The following FGGY variants were observed in gnomAD, a reference collection of about 807,000 sequenced individuals.
The protein encoded by FGGY is FGGY carbohydrate kinase domain-containing protein.
FGGY carries 72 observed loss-of-function variants against 71.3 expected under a neutral mutation model. The observed-to-expected ratio is 1.01, with a 90% confidence interval of 0.84 to 1.23. The LOEUF is 1.23. Ranked by LOEUF, FGGY falls within the 50% of genes most tolerant of loss-of-function variation. The pLI is 0.00. For missense variants in FGGY, 668 were observed against 682.3 expected (o/e 0.98, Z 0.23); for synonymous variants, 251 against 250.3 (o/e 1.00, Z -0.02).
At chr1:59,746,465 C>T (rs2098198666) in intron 14 of FGGY, among the ~76,000 whole-genome samples, 1 of 152,022 alleles carries the variant, frequency 6.6e-6, no homozygotes, top group African/African-American at 2.4e-5. Context: ...TTAGTCCATC[C>T]AATAGGCCTA....
At chr1:59,426,928 T>G (rs1420092417) in intron 5 of FGGY, among the ~76,000 whole-genome samples, 1 of 151,956 alleles carries the variant, frequency 6.6e-6, no homozygotes, top group Non-Finnish European at 1.5e-5. Flanking sequence ...CAGCTTTGAT[T>G]ATTATGATCA....
chr1:59,588,503 A>G (rs1050498835), intron 8 of FGGY, among the ~76,000 whole-genome samples: 4 of 151,952 alleles, frequency 2.6e-5, no homozygotes, highest in African/African-American at 7.2e-5. Context: ...CAGATTCACC[A>G]AAGTCGAAGG....
At chr1:59,433,493 C>G (rs1260913438) in intron 5 of FGGY, among the ~76,000 whole-genome samples, 1 of 152,098 alleles carries the variant, frequency 6.6e-6, no homozygotes, top group Non-Finnish European at 1.5e-5. Context: ...TCTCAGTGTG[C>G]CAGGCCTTCA....
At chr1:59,485,380 A>G (rs572819157) in intron 6 of FGGY, among the ~76,000 whole-genome samples, 1 of 152,162 alleles carries the variant, frequency 6.6e-6, no homozygotes, top group South Asian at 2.1e-4. Flanking sequence ...CTTTAAGGAG[A>G]TCAGGCAGTG....
At chr1:59,630,985 A>C (rs2096903400) in intron 10 of FGGY, among the ~76,000 whole-genome samples, 1 of 152,126 alleles carries the variant, frequency 6.6e-6, no homozygotes, top group Admixed American at 6.5e-5. Context: ...GAATTCTGTC[A>C]CCATCAGCCC....
chr1:59,753,512 A>ATATATATG (rs2098264853), intron 14 of FGGY, among the ~76,000 whole-genome samples: 1 of 117,068 alleles, frequency 8.5e-6, no homozygotes, highest in Admixed American at 8.8e-5. Context: ...ATATATATAT[A>ATATATATG]TGGCATTACA....
At chr1:59,476,714 C>G (rs544514204) in intron 6 of FGGY, among the ~76,000 whole-genome samples, 2 of 152,328 alleles carry the variant, frequency 1.3e-5, no homozygotes, top group South Asian at 4.1e-4. Context: ...TGCCCAATGT[C>G]AAAATATTAG....
In FGGY at chr1:59,739,526, G is replaced by T. The variant is rs1238393364; in HGVS notation, c.1513-18405G>T. Among the ~76,000 whole-genome samples the T allele has an allele frequency of 2.0e-5, 3 of 152,178 alleles. No homozygotes were observed. The East Asian group carries it at 5.8e-4, about 29-fold the overall frequency. On this transcript the variant is annotated intron_variant, in intron 14 of 15. Coordinates refer to ENST00000303721, the MANE Select transcript of FGGY (RefSeq NM_018291.5). ...CAACCAAACCATTCATTGCTTGCAGGTGGGAAGGTAAGGTGGAAAATGCTT... is the reference window on the plus strand; with the variant it reads ...CAACCAAACCATTCATTGCTTGCAGTTGGGAAGGTAAGGTGGAAAATGCTT...
At chr1:59,366,645 C>T (rs575898560) in intron 4 of FGGY, among the ~76,000 whole-genome samples, 2 of 152,184 alleles carry the variant, frequency 1.3e-5, no homozygotes, top group Non-Finnish European at 2.9e-5. Flanking sequence ...ATCTTTCTCT[C>T]GAAAGGACCT....
intron 14 of FGGY, among the ~76,000 whole-genome samples, chr1:59,732,953 G>T (rs1573817267): frequency 6.6e-6 from 1 of 152,066 alleles, no homozygotes; most frequent in East Asian, 1.9e-4. Flanking sequence ...AATTGTTACT[G>T]CTCAGTCCTG....
chr1:59,472,363 T>C (rs2092997425), intron 6 of FGGY, among the ~76,000 whole-genome samples: 1 of 152,128 alleles, frequency 6.6e-6, no homozygotes, highest in Non-Finnish European at 1.5e-5. Flanking sequence ...TGCCTGAGCC[T>C]CCCCCTGTTC....
intron 4 of FGGY, among the ~76,000 whole-genome samples, chr1:59,371,169 A>C (rs181390897): frequency 1.3e-5 from 2 of 152,200 alleles, no homozygotes; most frequent in African/African-American, 4.8e-5. Flanking sequence ...CCCATCTCAC[A>C]TGCAGAGACA....
At chr1:59,614,452 C>T (rs1020017334) in intron 9 of FGGY, among the ~76,000 whole-genome samples, 3 of 151,998 alleles carry the variant, frequency 2.0e-5, no homozygotes, top group Non-Finnish European at 4.4e-5. Context: ...TCAACAACCC[C>T]TCATGCTAAA....
rs369300048 is a variant in FGGY at position 59,627,157 on chromosome 1, GGAAAA to G, written c.1073+1118_1073+1122del. Among the ~76,000 whole-genome samples, 11 of 151,706 alleles carry G rather than the reference GGAAAA, an allele frequency of 7.3e-5. No homozygotes were observed. In the East Asian group the frequency reaches 9.7e-4, roughly 13 times the overall value. ...ACCTACTGTATTACAAAGGGGGTTG[GGAAAA>G]GAAAAGAAAGGAAAAGAAAAAAGAA... On this transcript the variant is annotated intron_variant, in intron 10 of 15. Coordinates refer to ENST00000303721, the MANE Select transcript of FGGY (RefSeq NM_018291.5).
At chr1:59,702,199 C>G (rs2097715682) in intron 14 of FGGY, among the ~76,000 whole-genome samples, 1 of 152,152 alleles carries the variant, frequency 6.6e-6, no homozygotes, top group Admixed American at 6.5e-5. Flanking sequence ...CACCAGGTTC[C>G]TCCCTCAACA....
At chr1:59,477,641 A>T (rs989667424) in intron 6 of FGGY, among the ~76,000 whole-genome samples, 9 of 152,214 alleles carry the variant, frequency 5.9e-5, no homozygotes, top group African/African-American at 2.2e-4. Context: ...TTAAATTTTC[A>T]TACGCTTTTA....
At chr1:59,318,810 C>G (rs1486231780) in intron 1 of FGGY, 4 of 152,254 alleles carry the variant, frequency 2.6e-5, no homozygotes, top group Non-Finnish European at 5.9e-5. Flanking sequence ...TTGCCAAGGG[C>G]AAAGAGTTGT....
At chr1:59,344,063 A>G (rs1012403040) in intron 3 of FGGY, among the ~76,000 whole-genome samples, 1 of 152,188 alleles carries the variant, frequency 6.6e-6, no homozygotes, top group Non-Finnish European at 1.5e-5. Context: ...CTAATGTGCA[A>G]CTAGGTTTGA....
chr1:59,557,700 A>G (rs1461294833), intron 8 of FGGY, among the ~76,000 whole-genome samples: 1 of 152,232 alleles, frequency 6.6e-6, no homozygotes, highest in African/African-American at 2.4e-5. Flanking sequence ...CCCAGATAAT[A>G]CACAGCAGGG....
Sources: gnomAD v4.1 joint callset for allele counts (sites outside exome capture counted in the v4.1 genomes callset) on GRCh38, gnomAD v4.1.1 for gene constraint, MANE v1.5 for transcripts, NCBI Gene and HGNC (gene_info 2026-07-23, HGNC 2026-07-21) for gene names.